The following ATP8A1 variants were observed in gnomAD, a reference collection of about 807,000 sequenced individuals.
ATP8A1 encodes the protein ATPase phospholipid transporting 8A1, also known as phospholipid-transporting ATPase IA.
Under a neutral mutation model 177.7 loss-of-function variants are expected in ATP8A1, and 90 were observed. The observed-to-expected ratio is 0.51, with a 90% CI of 0.43 to 0.60. The LOEUF is 0.60. ATP8A1 is among the 20% of genes least tolerant of loss of function. The pLI, the probability that ATP8A1 is intolerant of heterozygous loss-of-function variation, is 0.00. For synonymous variants in ATP8A1, 493 were observed against 485.9 expected, an observed-to-expected ratio of 1.01 and a Z score of -0.19; for missense variants, 1,072 against 1,392.8, an observed-to-expected ratio of 0.77 and a Z score of 3.67.
At chr4:42,623,554 T>C (rs1408421455) in intron 4 of ATP8A1, among the ~76,000 whole-genome samples, 3 of 152,128 alleles carry the variant, frequency 2.0e-5, no homozygotes, top group African/African-American at 7.2e-5. Flanking sequence ...GGGACATGAA[T>C]GGAGCTGGAT....
chr4:42,476,962 CTGTT>C (rs1001617454), intron 25 of ATP8A1, among the ~76,000 whole-genome samples: 2 of 152,190 alleles, frequency 1.3e-5, no homozygotes, highest in African/African-American at 2.4e-5. Flanking sequence ...TTATATATGT[CTGTT>C]TGATATATAT....
chr4:42,524,040 C>T (rs1726423996), intron 21 of ATP8A1, among the ~76,000 whole-genome samples: 1 of 152,164 alleles, frequency 6.6e-6, no homozygotes, highest in Admixed American at 6.5e-5. Context: ...TTAGATTCAG[C>T]TATAACTACC....
intron 20 of ATP8A1, among the ~76,000 whole-genome samples, chr4:42,528,102 G>A (rs1182009357): frequency 2.6e-5 from 4 of 152,124 alleles, no homozygotes; most frequent in African/African-American, 7.2e-5. Flanking sequence ...TGGTGGTCAG[G>A]TAATTAATGG....
chr4:42,593,399 T>C (rs1356135830), intron 6 of ATP8A1, among the ~76,000 whole-genome samples: 2 of 152,074 alleles, frequency 1.3e-5, no homozygotes, highest in Non-Finnish European at 2.9e-5. Flanking sequence ...CACAAAATTA[T>C]AGAAATATAA....
intron 16 of ATP8A1, 48 bp downstream of exon 16, chr4:42,555,920 A>G (rs376164952): frequency 2.4e-6 from 3 of 1,249,010 alleles, no homozygotes; most frequent in African/African-American, 1.5e-5. Context: ...AGAAACATTC[A>G]TTAGTTTTTA....
chr4:42,455,617 A>T lies in ATP8A1; in HGVS notation c.2620-18T>A, dbSNP rs2153179577. The stretch of plus-strand genomic sequence containing the variant: ...AACCAGATCTAGGAAAAAAAACCCA[A>T]AACCCCCAAATTAGAATACAAAAGC... On this transcript the variant is annotated intron_variant, in intron 27 of 36. Transcript: ENST00000381668. 2 of 1,608,384 alleles carry T rather than the reference A, an allele frequency of 1.2e-6. No homozygotes were observed. Among genetic ancestry groups the T allele is most frequent in the East Asian group, 4.5e-5 (2 of 44,796 alleles).
chr4:42,625,584 A>AT, intron 3 of ATP8A1, 30 bp downstream of exon 3: 1 of 1,468,000 alleles, frequency 6.8e-7, no homozygotes, highest in South Asian at 1.2e-5. Flanking sequence ...GTACCTGAAC[A>AT]TTTGACAAGG....
At chr4:42,547,712 A>G (rs934266852) in intron 19 of ATP8A1, among the ~76,000 whole-genome samples, 8 of 152,220 alleles carry the variant, frequency 5.3e-5, no homozygotes, top group Non-Finnish European at 1.2e-4. Context: ...TGGGCTTTTC[A>G]GAGTATCTAA....
rs1389620457 is a variant in ATP8A1, at chr4:42,586,264, A to T, written c.722+85T>A. ...GGACTCAAACTTAGCACACAAGAAG[A>T]TAATATGTATCCAGACTTAGAAGAC... On this transcript the variant is annotated intron_variant, in intron 9 of 36. Coordinates refer to ENST00000381668, the MANE Select transcript of ATP8A1 (RefSeq NM_006095.2). 1.5e-5 allele frequency: 23 copies of T among 1,484,602 alleles called. No homozygotes were observed. In the South Asian group the frequency reaches 3.0e-4, roughly 19 times the overall value. The allele number at this position is 1,484,602 out of a possible 1,614,324, so 92.0% of individuals were successfully genotyped here.
chr4:42,588,206 A>G, intron 8 of ATP8A1, 54 bp downstream of exon 8: 1 of 1,428,288 alleles, frequency 7.0e-7, no homozygotes, highest in Admixed American at 1.8e-5. Context: ...AGAAGCTCTT[A>G]ATTCCATGTA....
intron 20 of ATP8A1, among the ~76,000 whole-genome samples, chr4:42,532,123 GACACAGAC>G (rs1177266215): frequency 6.6e-6 from 1 of 151,346 alleles, no homozygotes; most frequent in South Asian, 2.1e-4. Context: ...CACACACACA[GACACAGAC>G]ACACAGACAC....
At chr4:42,495,596 A>T (rs796654879) in intron 24 of ATP8A1, among the ~76,000 whole-genome samples, 2 of 136,084 alleles carry the variant, frequency 1.5e-5, no homozygotes, top group East Asian at 2.4e-4. Context: ...AACTTATTTT[A>T]AAAAATTGTA....
chr4:42,574,561 A>C (rs1389095536), intron 14 of ATP8A1, 58 bp downstream of exon 14: 7 of 1,401,774 alleles, frequency 5.0e-6, no homozygotes, highest in Non-Finnish European at 7.0e-6. Flanking sequence ...CAAATGTACC[A>C]AACTGTTAGC....
chr4:42,517,125 C>T (rs1166953681), intron 22 of ATP8A1, among the ~76,000 whole-genome samples: 1 of 151,548 alleles, frequency 6.6e-6, no homozygotes, highest in Non-Finnish European at 1.5e-5. Flanking sequence ...CATGGTGAAA[C>T]CCCGTCTCTA....
At chr4:42,498,148 GA>G (rs1416701307) in intron 24 of ATP8A1, among the ~76,000 whole-genome samples, 1 of 152,120 alleles carries the variant, frequency 6.6e-6, no homozygotes, top group African/African-American at 2.4e-5. Context: ...AGACTCATGG[GA>G]CATATCAAAA....
At chr4:42,434,396 A>G (rs968598864) in intron 33 of ATP8A1, among the ~76,000 whole-genome samples, 3 of 152,236 alleles carry the variant, frequency 2.0e-5, no homozygotes, top group Non-Finnish European at 4.4e-5. Context: ...TTGATTACAA[A>G]TCAGTCTGTA....
At chr4:42,565,629 T>A (rs1265755689) in intron 15 of ATP8A1, among the ~76,000 whole-genome samples, 1 of 152,200 alleles carries the variant, frequency 6.6e-6, no homozygotes, top group African/African-American at 2.4e-5. Context: ...GAAACTATAT[T>A]AAACAGTTGA....
At chr4:42,419,403 C>T (rs1294085778) in intron 35 of ATP8A1, among the ~76,000 whole-genome samples, 1 of 152,096 alleles carries the variant, frequency 6.6e-6, no homozygotes, top group African/African-American at 2.4e-5. Flanking sequence ...CTTTATAATG[C>T]AATGCGATCA....
At chr4:42,515,595 T>C (rs985043041) in intron 22 of ATP8A1, among the ~76,000 whole-genome samples, 2 of 152,126 alleles carry the variant, frequency 1.3e-5, no homozygotes, top group African/African-American at 2.4e-5. Flanking sequence ...GTAAAGGAAA[T>C]AATGTAAAAA....
Sources: gnomAD v4.1 joint callset for allele counts (sites outside exome capture counted in the v4.1 genomes callset) on GRCh38, gnomAD v4.1.1 for gene constraint, MANE v1.5 for transcripts, NCBI Gene and HGNC (gene_info 2026-07-23, HGNC 2026-07-21) for gene names.